The following MIA2 variants were observed in gnomAD, a reference collection of about 807,000 sequenced individuals.
The protein encoded by MIA2 is MIA SH3 domain ER export factor 2.
In MIA2, 127 loss-of-function variants were observed where a neutral mutation model predicts 167.8. The observed-to-expected ratio is 0.76, with a 90% CI of 0.66 to 0.88. The LOEUF is 0.88. Ranked by LOEUF, MIA2 falls within the 40% of genes least tolerant of loss-of-function variation. The pLI is 0.00. For missense variants in MIA2, 1,690 were observed against 1,624.7 expected (o/e 1.04, Z -0.69); for synonymous variants, 552 against 541.9 (o/e 1.02, Z -0.26).
At chr14:39,363,319 C>T (rs8017737) in intron 23 of MIA2, among the ~76,000 whole-genome samples, 41,783 of 152,134 alleles carry the variant, frequency 0.27, 7,009 homozygotes, top group Non-Finnish European at 0.38. Context: ...TTCTTGAGAC[C>T]AGGATTTCGA....
At chr14:39,295,469 G>C (rs972047037) in intron 13 of MIA2, among the ~76,000 whole-genome samples, 1 of 152,014 alleles carries the variant, frequency 6.6e-6, no homozygotes, top group African/African-American at 2.4e-5. Context: ...CAATGTAATT[G>C]TAACTTTTCA....
Position 39,320,991 on chromosome 14 carries a change from C to T in MIA2, c.3431C>T (p.Ser1144Phe). 6.2e-7 allele frequency: 1 copy of T among 1,613,590 alleles called. No individual in the cohort carries two copies. Among genetic ancestry groups the T allele is most frequent in the Non-Finnish European group, 8.5e-7 (1 of 1,179,550 alleles). ...WPSSETRAFL[S>F]PPTLLEGPLR... ...TCATCTGAAACAAGAGCTTTTCTCT[C>T]TCCTCCAACTTTGTTGGAGGGTCCA... The change falls in exon 24 of 29, where the codon TCT becomes TTT. Residue 1144 changes from serine (S) to phenylalanine (F), a missense_variant. By Grantham distance (155) the Ser-to-Phe change is radical. Transcript: ENST00000640607.
chr14:39,263,345 C>T (rs1349892351), intron 6 of MIA2, among the ~76,000 whole-genome samples: 1 of 149,046 alleles, frequency 6.7e-6, no homozygotes, highest in Admixed American at 6.7e-5. Context: ...TTGAACCAGC[C>T]TTGCATCCCA....
intron 13 of MIA2, among the ~76,000 whole-genome samples, 168 bp from the exon 14 acceptor site, chr14:39,299,696 A>G (rs1019857393): frequency 3.9e-5 from 6 of 152,212 alleles, no homozygotes; most frequent in Non-Finnish European, 7.4e-5. Context: ...AATATATGAT[A>G]TAAACTAGTT....
chr14:39,274,826 G>T (rs1431630204), intron 6 of MIA2, among the ~76,000 whole-genome samples: 3 of 146,192 alleles, frequency 2.1e-5, no homozygotes, highest in Non-Finnish European at 4.5e-5. Context: ...TGTAATCCCA[G>T]CACTTTGGGA....
At chr14:39,265,466 A>C in intron 6 of MIA2, 1 of 1,495,942 alleles carries the variant, frequency 6.7e-7, no homozygotes, top group Non-Finnish European at 9.2e-7. Flanking sequence ...TGAGGTTTGG[A>C]ATTTTGCACT....
At chr14:39,332,896 G>A (rs541806696) in intron 25 of MIA2, among the ~76,000 whole-genome samples, 1 of 152,004 alleles carries the variant, frequency 6.6e-6, no homozygotes, top group Non-Finnish European at 1.5e-5. Context: ...ACAATTTCTT[G>A]TGATCTATCT....
chr14:39,340,939 T>C (rs878865577), intron 25 of MIA2, among the ~76,000 whole-genome samples: 8 of 152,260 alleles, frequency 5.3e-5, no homozygotes, highest in Non-Finnish European at 4.4e-5. Context: ...GTAAACAACT[T>C]TTTGAAAAAT....
intron 6 of MIA2, 177 bp from the exon 7 acceptor site, chr14:39,276,757 G>A (rs1450428378): frequency 1.7e-5 from 10 of 592,986 alleles, no homozygotes; most frequent in Non-Finnish European, 2.9e-5. Context: ...CCATACTGCT[G>A]TTCTTTACTT....
At position 39,364,476 on chromosome 14, in the gene MIA2, G is replaced by C. The variant is rs565985753; in HGVS notation, c.2248+15499G>C. On this transcript the variant is annotated intron_variant, in intron 23 of 23. Transcript: ENST00000341502. ...GTTTTTTTTTGTAGTGGTAACATTT[G>C]AATCCTTTTTGTTCCTTATTTGTAT... Among the ~76,000 whole-genome samples, 4 of 146,960 alleles carry C rather than the reference G, an allele frequency of 2.7e-5. No homozygotes were observed. The East Asian group carries it at 6.0e-4, about 22-fold the overall frequency.
At chr14:39,273,505 A>G (rs530607344) in intron 6 of MIA2, among the ~76,000 whole-genome samples, 1 of 152,232 alleles carries the variant, frequency 6.6e-6, no homozygotes, top group African/African-American at 2.4e-5. Flanking sequence ...GGCATGTGCC[A>G]TCATGCTTGG....
chr14:39,313,701 A>T (rs1317664052), intron 19 of MIA2, among the ~76,000 whole-genome samples: 3 of 152,170 alleles, frequency 2.0e-5, no homozygotes, highest in Non-Finnish European at 2.9e-5. Flanking sequence ...AAAGTTGAAT[A>T]TGGACAATTC....
chr14:39,321,550 T>G (rs966128273), intron 24 of MIA2, among the ~76,000 whole-genome samples: 11 of 151,992 alleles, frequency 7.2e-5, no homozygotes, highest in African/African-American at 2.4e-4. Flanking sequence ...TCTCCTGACC[T>G]CGTGATCCAC....
Position 39,261,098 on chromosome 14 carries a change from T to G in MIA2, c.1887+7927T>G, listed in dbSNP as rs373511376. 2.2e-3 allele frequency among the ~76,000 whole-genome samples: 335 copies of G among 152,224 alleles called. 3 individuals are homozygous for G. The highest frequency in any genetic ancestry group is 5.5e-3 in the African/African-American group (229 of 41,514). On this transcript the variant is annotated intron_variant, in intron 6 of 28. Coordinates refer to ENST00000640607, the MANE Select transcript of MIA2 (RefSeq NM_001329214.4). ...TTGGTGTGCTGCACCCATTAACTTG[T>G]CATTTACATTAGGTATATCTCCTAG...
At chr14:39,315,242 G>T (rs944910008) in intron 20 of MIA2, 4 of 158,340 alleles carry the variant, frequency 2.5e-5, no homozygotes, top group African/African-American at 9.7e-5. Flanking sequence ...GGCAGAGGTT[G>T]CAGTGAGCTG....
At chr14:39,254,012 A>G (rs1212973872) in intron 6 of MIA2, among the ~76,000 whole-genome samples, 1 of 152,230 alleles carries the variant, frequency 6.6e-6, no homozygotes, top group Non-Finnish European at 1.5e-5. Flanking sequence ...GAGGACACAG[A>G]TAAAAAAGTA....
intron 6 of MIA2, among the ~76,000 whole-genome samples, chr14:39,264,994 T>C (rs1248886842): frequency 6.6e-6 from 1 of 152,206 alleles, no homozygotes; most frequent in Non-Finnish European, 1.5e-5. Flanking sequence ...GAATATCTTT[T>C]AAATGATAGA....
chr14:39,240,583 T>C lies in MIA2; in HGVS notation c.272T>C (p.Phe91Ser). The change falls in exon 3 of 29, where the codon TTT (phenylalanine) becomes TCT (serine). Residue 91 changes from phenylalanine (F) to serine (S), a missense_variant. Transcript: ENST00000640607. The stretch of plus-strand genomic sequence containing the variant: ...CAGAAAGGAAAGGAGTTTGGATATT[T>C]TCCCAGAGATGCAGTCCAGATTGAA... ...AGSKGKEFGY[F>S]PRDAVQIEEV... 6.2e-7 allele frequency: 1 copy of C among 1,612,996 alleles called. No individual in the cohort carries two copies. The highest frequency in any genetic ancestry group is 8.5e-7 in the Non-Finnish European group (1 of 1,179,212).
rs755309379 is a variant in MIA2, at chr14:39,253,195, T to C, written c.1887+24T>C. On this transcript the variant is annotated intron_variant, in intron 6 of 28. Transcript: ENST00000640607. Reference sequence around the variant, plus strand: ...GGGTAAGTTTGCCTTTTAAACCTTTTGCAATAATTTTACCTATTTTGCTAA... The same window carrying C: ...GGGTAAGTTTGCCTTTTAAACCTTTCGCAATAATTTTACCTATTTTGCTAA... The C allele has an allele frequency of 2.8e-5, 45 of 1,606,290 alleles. 1 individual carries two copies. The South Asian group carries it at 4.6e-4, about 16-fold the overall frequency.
Sources: allele counts gnomAD v4.1 joint callset (sites outside exome capture counted in the v4.1 genomes callset), GRCh38; gene constraint gnomAD v4.1.1; transcripts MANE v1.5; gene names NCBI Gene and HGNC (gene_info 2026-07-23, HGNC 2026-07-21).